The following CSMD1 variants were observed in gnomAD, a reference collection of about 807,000 sequenced individuals.
CSMD1 encodes the protein CUB and Sushi multiple domains 1.
Under a neutral mutation model 417.5 loss-of-function variants are expected in CSMD1, and 213 were observed. The observed-to-expected ratio is 0.51, with a 90% CI of 0.46 to 0.57. The LOEUF (loss-of-function observed/expected upper bound fraction) is 0.57, where lower values mean the gene tolerates loss of function less well. Ranked by LOEUF, CSMD1 falls within the 20% of genes least tolerant of loss-of-function variation. The pLI, the probability that CSMD1 is intolerant of heterozygous loss-of-function variation, is 0.00. For missense variants in CSMD1, 6,923 were observed against 4,529.7 expected, an observed-to-expected ratio of 1.53 and a Z score of -15.17; for synonymous variants, 2,862 against 1,736.8, an observed-to-expected ratio of 1.65 and a Z score of -16.11.
intron 12 of CSMD1, among the ~76,000 whole-genome samples, chr8:3,462,067 G>A (rs1406432213): frequency 1.3e-5 from 2 of 152,074 alleles, no homozygotes; most frequent in Non-Finnish European, 1.5e-5. Flanking sequence ...CAGTGCTAGT[G>A]CTGGGCTGTA....
intron 5 of CSMD1, among the ~76,000 whole-genome samples, chr8:3,781,217 A>G (rs1251512656): frequency 6.6e-6 from 1 of 152,148 alleles, no homozygotes; most frequent in African/African-American, 2.4e-5. Flanking sequence ...GCAAAATTTA[A>G]AAAATTGCAC....
At chr8:3,738,276 T>G (rs1414291938) in intron 6 of CSMD1, among the ~76,000 whole-genome samples, 1 of 152,116 alleles carries the variant, frequency 6.6e-6, no homozygotes, top group Non-Finnish European at 1.5e-5. Flanking sequence ...ACGATCACAG[T>G]GGAAGGAAGA....
chr8:3,462,052 C>T (rs778972352), intron 12 of CSMD1, among the ~76,000 whole-genome samples: 3 of 152,172 alleles, frequency 2.0e-5, no homozygotes, highest in African/African-American at 7.2e-5. Flanking sequence ...ATGGAGAATA[C>T]TGACCAGTGC....
chr8:3,795,896 T>G lies in CSMD1; in HGVS notation c.819-41854A>C, dbSNP rs1453714210. Among the ~76,000 whole-genome samples the G allele has an allele frequency of 2.2e-4, 8 of 36,748 alleles. 1 individual carries two copies. The highest frequency in any genetic ancestry group is 1.3e-3 in the East Asian group (2 of 1,582). 24.1% of individuals were successfully genotyped at this position (36,748 alleles called of 152,430 possible). A position where few individuals can be genotyped will look rare whatever the true frequency, so the allele number is the denominator to read the frequency against. ...TAGATATATATCTATCATGTACAGA[T>G]ATATATATCATGTACAGATATAGAT... On this transcript the variant is annotated intron_variant, in intron 5 of 69. Coordinates refer to ENST00000635120, the MANE Select transcript of CSMD1 (RefSeq NM_033225.6).
intron 49 of CSMD1, among the ~76,000 whole-genome samples, chr8:3,080,768 A>T (rs566797400): frequency 6.6e-6 from 1 of 152,316 alleles, no homozygotes; most frequent in South Asian, 2.1e-4. Context: ...TCTGGGACGT[A>T]GATATCAAAA....
At chr8:3,363,538 A>AT (rs1003872088) in intron 20 of CSMD1, among the ~76,000 whole-genome samples, 4 of 122,966 alleles carry the variant, frequency 3.3e-5, no homozygotes, top group African/African-American at 1.2e-4. Context: ...TTTATTTATT[A>AT]TTTTTTTGAG....
chr8:4,635,609 C>T (rs1205548215), intron 2 of CSMD1, among the ~76,000 whole-genome samples: 4 of 152,074 alleles, frequency 2.6e-5, no homozygotes, highest in African/African-American at 9.7e-5. Context: ...GAGTCACACA[C>T]ATTGGCATTT....
At chr8:4,474,711 G>T (rs1563214300) in intron 2 of CSMD1, among the ~76,000 whole-genome samples, 1 of 152,136 alleles carries the variant, frequency 6.6e-6, no homozygotes, top group African/African-American at 2.4e-5. Flanking sequence ...ACTCCCACGT[G>T]GACTTTCTTC....
rs190859022 is a variant in CSMD1 at position 3,711,566 on chromosome 8, C to T, written c.932-3075G>A. Among the ~76,000 whole-genome samples the T allele has an allele frequency of 1.2e-3, 181 of 152,312 alleles. 1 individual carries two copies. Among genetic ancestry groups the T allele is most frequent in the African/African-American group, 4.2e-3 (175 of 41,566 alleles). On this transcript the variant is annotated intron_variant, in intron 6 of 69. Coordinates refer to ENST00000635120, the MANE Select transcript of CSMD1 (RefSeq NM_033225.6). ...CCTGGCGTCTTCCTCCTCTTCTCTT[C>T]TGCCTCTTCATGTGTGTGTTTTCTC...
At chr8:4,452,089 T>C (rs1431077877) in intron 2 of CSMD1, among the ~76,000 whole-genome samples, 3 of 152,124 alleles carry the variant, frequency 2.0e-5, no homozygotes, top group Middle Eastern at 3.2e-3. Context: ...CTGCTTTCTT[T>C]AGAAATTTAG....
chr8:4,885,883 C>T (rs1311960940), intron 1 of CSMD1, among the ~76,000 whole-genome samples: 1 of 152,090 alleles, frequency 6.6e-6, no homozygotes, highest in Non-Finnish European at 1.5e-5. Context: ...AAAATCAACA[C>T]TGCTTTCTCC....
chr8:4,514,146 T>C (rs1802985106), intron 2 of CSMD1, among the ~76,000 whole-genome samples: 1 of 152,154 alleles, frequency 6.6e-6, no homozygotes. Flanking sequence ...AGTGAGCTCC[T>C]GGTGAGAGCT....
intron 42 of CSMD1, among the ~76,000 whole-genome samples, chr8:3,112,651 A>G (rs1442808258): frequency 1.3e-5 from 2 of 152,162 alleles, no homozygotes; most frequent in East Asian, 3.8e-4. Flanking sequence ...TGGGATGGAG[A>G]TGCCATAGTG....
intron 3 of CSMD1, among the ~76,000 whole-genome samples, chr8:4,049,822 CA>C (rs1798330549): frequency 6.6e-6 from 1 of 151,116 alleles, no homozygotes; most frequent in Admixed American, 6.6e-5. Context: ...ACATTTCTTA[CA>C]ATCAGTGACC....
Position 4,538,636 on chromosome 8 carries a change from C to T in CSMD1, c.302+98706G>A, listed in dbSNP as rs372575981. 4.0e-5 allele frequency among the ~76,000 whole-genome samples: 6 copies of T among 151,724 alleles called. No homozygotes were observed. The East Asian group carries it at 9.7e-4, about 25-fold the overall frequency. On this transcript the variant is annotated intron_variant, in intron 2 of 69. Transcript: ENST00000635120. ...CCAGTATGGACCACAAAGGAAGACT[C>T]CATCTCAAAAAAAAATGAAATGAAA...
chr8:3,980,428 G>C (rs898041262), intron 5 of CSMD1, among the ~76,000 whole-genome samples: 1 of 152,152 alleles, frequency 6.6e-6, no homozygotes, highest in Non-Finnish European at 1.5e-5. Flanking sequence ...TCTATGGTCA[G>C]GGAAATCTTC....
At chr8:4,053,358 C>G (rs924262210) in intron 3 of CSMD1, among the ~76,000 whole-genome samples, 1 of 151,826 alleles carries the variant, frequency 6.6e-6, no homozygotes, top group Non-Finnish European at 1.5e-5. Flanking sequence ...TACTATTATT[C>G]TAAATTCTCT....
chr8:3,158,380 A>G (rs563558334), intron 38 of CSMD1, among the ~76,000 whole-genome samples: 1 of 152,288 alleles, frequency 6.6e-6, no homozygotes, highest in African/African-American at 2.4e-5. Context: ...TCAGCAATAC[A>G]AAGTCTGCTT....
At chr8:3,340,612 A>T (rs2117597293) in intron 23 of CSMD1, among the ~76,000 whole-genome samples, 1 of 152,322 alleles carries the variant, frequency 6.6e-6, no homozygotes, top group South Asian at 2.1e-4. Context: ...CTAACCGGTC[A>T]TCATTTCTGA....
Sources: gnomAD v4.1 joint callset for allele counts (sites outside exome capture counted in the v4.1 genomes callset) on GRCh38, gnomAD v4.1.1 for gene constraint, MANE v1.5 for transcripts, NCBI Gene and HGNC (gene_info 2026-07-23, HGNC 2026-07-21) for gene names.